Variants in ZC3HAV1 observed in about 807,000 individuals in gnomAD.
ZC3HAV1 encodes zinc finger CCCH-type antiviral protein 1.
ZC3HAV1 carries 41 observed loss-of-function variants against 86.6 expected under a neutral mutation model. The observed-to-expected ratio is 0.47, with a 90% CI of 0.37 to 0.61. ZC3HAV1 has a LOEUF of 0.61. Among genes scored for constraint, ZC3HAV1 ranks in the 20% least tolerant of loss-of-function variants. The pLI, the probability that ZC3HAV1 is intolerant of heterozygous loss-of-function variation, is 0.00. For synonymous variants in ZC3HAV1, 421 were observed against 432.1 expected (o/e 0.97, Z 0.32); for missense variants, 964 against 1,141.1 (o/e 0.84, Z 2.24).
chr7:139,044,112 G>C lies in ZC3HAV1; in HGVS notation c.*3482C>G, dbSNP rs1178315289. The C allele has an allele frequency of 6.6e-6, 1 of 152,228 alleles. No individual in the cohort carries two copies. Among genetic ancestry groups the C allele is most frequent in the Non-Finnish European group, 1.5e-5 (1 of 68,034 alleles). The allele number at this position is 152,228 out of a possible 1,614,324, so 9.4% of individuals were successfully genotyped here. ...GACATTTAGGTAGGACCTACAGCTTGTCCGAGAGAGTAACTCATTTGTTTT... is the reference window on the plus strand; with the variant it reads ...GACATTTAGGTAGGACCTACAGCTTCTCCGAGAGAGTAACTCATTTGTTTT... On this transcript the variant is annotated 3_prime_UTR_variant, in exon 13 of 13. Transcript: ENST00000242351.
chr7:139,098,626 A>AC (rs935476971), intron 1 of ZC3HAV1, among the ~76,000 whole-genome samples: 2 of 152,040 alleles, frequency 1.3e-5, no homozygotes, highest in East Asian at 1.9e-4. Context: ...AAATATTGAG[A>AC]CCCCCGTCTC....
chr7:139,060,106 C>T (rs1294162828), intron 9 of ZC3HAV1, among the ~76,000 whole-genome samples: 1 of 152,214 alleles, frequency 6.6e-6, no homozygotes, highest in Non-Finnish European at 1.5e-5. Flanking sequence ...TAGGAAGCAA[C>T]TCCCCTTCCT....
intron 12 of ZC3HAV1, among the ~76,000 whole-genome samples, chr7:139,052,553 C>T (rs1294291527): frequency 1.4e-5 from 2 of 143,004 alleles, no homozygotes; most frequent in South Asian, 2.2e-4. Context: ...TGCAGTGAAC[C>T]GAGATCGAGC....
intron 8 of ZC3HAV1, among the ~76,000 whole-genome samples, chr7:139,062,263 A>G (rs1816463927): frequency 6.6e-6 from 1 of 152,156 alleles, no homozygotes; most frequent in Non-Finnish European, 1.5e-5. Context: ...AGCAAATCAG[A>G]TCATGCCACA....
intron 12 of ZC3HAV1, among the ~76,000 whole-genome samples, chr7:139,052,915 T>C (rs562888018): frequency 6.9e-6 from 1 of 144,056 alleles, no homozygotes; most frequent in East Asian, 2.0e-4. Flanking sequence ...AGTGAGACCC[T>C]GTCTCAAAAA....
At chr7:139,052,308 T>C in intron 12 of ZC3HAV1, among the ~76,000 whole-genome samples, 1 of 113,256 alleles carries the variant, frequency 8.8e-6, no homozygotes, top group East Asian at 3.0e-4. Context: ...TTGTTTGTTT[T>C]TAAGAGTTGC....
intron 3 of ZC3HAV1, among the ~76,000 whole-genome samples, chr7:139,083,194 A>G (rs1191759280): frequency 1.3e-5 from 2 of 149,928 alleles, no homozygotes; most frequent in African/African-American, 2.4e-5. Context: ...TTCCTTAAAA[A>G]AAAGCTTTGT....
chr7:139,097,428 A>ATATATATTTTTTTTTTTTTT, intron 1 of ZC3HAV1, among the ~76,000 whole-genome samples: 2 of 48,158 alleles, frequency 4.2e-5, no homozygotes, highest in African/African-American at 2.3e-4. Context: ...ATATATATAT[A>ATATATATTTTTTTTTTTTTT]TTTTTTTTTT....
intron 1 of ZC3HAV1, among the ~76,000 whole-genome samples, chr7:139,098,511 T>A (rs1817670573): frequency 6.6e-6 from 1 of 152,164 alleles, no homozygotes; most frequent in African/African-American, 2.4e-5. Flanking sequence ...TATTAAAATA[T>A]CTTCCCAGTG....
At position 139,098,183 on chromosome 7, in the gene ZC3HAV1, G is replaced by A. The variant is rs551954905; in HGVS notation, c.309-8424C>T. On this transcript the variant is annotated intron_variant, in intron 1 of 12. Transcript: ENST00000242351. ...TGAAATTCCTGACCTCAAGTGAGCC[G>A]CCTGCCTTGGCCTCCCAAAGTGCTA... Among the ~76,000 whole-genome samples, 54 of 152,066 alleles carry A rather than the reference G, an allele frequency of 3.6e-4. No homozygotes were observed. In the South Asian group the frequency reaches 6.9e-3, roughly 19 times the overall value.
intron 1 of ZC3HAV1, 121 bp from the exon 2 acceptor site, chr7:139,089,880 G>A (rs1334846757): frequency 9.2e-7 from 1 of 1,087,614 alleles, no homozygotes; most frequent in African/African-American, 1.7e-5. Flanking sequence ...ACAGACACAG[G>A]TTGGTTCTGC....
At chr7:139,097,905 C>T (rs1238595564) in intron 1 of ZC3HAV1, among the ~76,000 whole-genome samples, 1 of 151,744 alleles carries the variant, frequency 6.6e-6, no homozygotes, top group Non-Finnish European at 1.5e-5. Context: ...GATGGTTACA[C>T]AGGGGCATCC....
chr7:139,069,087 C>T (rs570481264), intron 7 of ZC3HAV1, among the ~76,000 whole-genome samples: 1 of 152,284 alleles, frequency 6.6e-6, no homozygotes, highest in South Asian at 2.1e-4. Context: ...TCAGTCATAT[C>T]TGTGCTGAGC....
At chr7:139,078,395 G>A (rs1817018074) in intron 5 of ZC3HAV1, among the ~76,000 whole-genome samples, 157 bp downstream of exon 5, 1 of 152,034 alleles carries the variant, frequency 6.6e-6, no homozygotes. Context: ...ATTAAACATA[G>A]AAGTACTATA....
At position 139,076,310 on chromosome 7, in the gene ZC3HAV1, C is replaced by G. The variant is rs373103348; in HGVS notation, c.1673G>C (p.Gly558Ala). The change falls in exon 6 of 13, where the codon GGC (glycine) becomes GCC (alanine). Residue 558 changes from glycine to alanine, a missense_variant. Physicochemically the swap from Gly to Ala is moderately conservative, Grantham distance 60. Transcript: ENST00000242351. ...CAGGTGGATTCCGGGGTTACAGTAG[C>G]CTTTCTCGATCGTCTCCATGTGCTC... ...DFEHMETIEK[G>A]YCNPGIHLCS... is the part of the protein sequence containing the mutation. 15 of 1,614,046 alleles carry G rather than the reference C, an allele frequency of 9.3e-6. No individual in the cohort carries two copies. In the African/African-American group the frequency reaches 1.1e-4, roughly 11 times the overall value.
At position 139,053,508 on chromosome 7, in the gene ZC3HAV1, A is replaced by G. The variant is rs758519775; in HGVS notation, c.2392T>C (p.Cys798Arg). The G allele has an allele frequency of 6.2e-7, 1 of 1,605,082 alleles. No individual in the cohort carries two copies. Among genetic ancestry groups the G allele is most frequent in the East Asian group, 2.2e-5 (1 of 44,646 alleles). Reference protein sequence around the residue: ...ATSRAYVESICSNNFDSFLHE... With the variant: ...ATSRAYVESIRSNNFDSFLHE... ...AGGAAACTGTCAAAATTATTCGAAC[A>G]GATAGATTCCACATAGGCACGGCTT... The change falls in exon 12 of 13, where the codon TGT becomes CGT. Residue 798 changes from cysteine to arginine, a missense_variant. Physicochemically the swap from Cys to Arg is radical, Grantham distance 180 (BLOSUM62 -3). Coordinates refer to ENST00000242351, the MANE Select transcript of ZC3HAV1 (RefSeq NM_020119.4).
chr7:139,098,591 C>T (rs1817672236), intron 1 of ZC3HAV1, among the ~76,000 whole-genome samples: 2 of 152,158 alleles, frequency 1.3e-5, no homozygotes, highest in South Asian at 2.1e-4. Flanking sequence ...GGCTTGAGCT[C>T]GGGAGTTTTA....
intron 1 of ZC3HAV1, among the ~76,000 whole-genome samples, chr7:139,094,947 A>G (rs535502983): frequency 2.0e-5 from 3 of 151,756 alleles, no homozygotes; most frequent in Admixed American, 6.6e-5. Flanking sequence ...TCTGAACTCA[A>G]CAGTCAGACC....
At chr7:139,101,679 C>T (rs1240042861) in intron 1 of ZC3HAV1, among the ~76,000 whole-genome samples, 2 of 150,516 alleles carry the variant, frequency 1.3e-5, no homozygotes, top group African/African-American at 2.5e-5. Flanking sequence ...ATTCTTCTGC[C>T]TTGGGATGCT....
Sources: allele counts gnomAD v4.1 joint callset (sites outside exome capture counted in the v4.1 genomes callset), GRCh38; gene constraint gnomAD v4.1.1; transcripts MANE v1.5; gene names NCBI Gene and HGNC (gene_info 2026-07-23, HGNC 2026-07-21).